The following DAB1 variants were observed in gnomAD, a reference collection of about 807,000 sequenced individuals.
The protein encoded by DAB1 is DAB adaptor protein 1.
DAB1 carries 15 observed loss-of-function variants against 64.6 expected under a neutral mutation model. That is an observed-to-expected ratio of 0.23 (90% confidence interval 0.16 to 0.36). The LOEUF (loss-of-function observed/expected upper bound fraction) is 0.36, where lower values mean the gene tolerates loss of function less well. DAB1 is among the 10% of genes least tolerant of loss of function. The probability of loss-of-function intolerance (pLI) is 1.00; values close to 1 mark genes in which losing one functional copy is unlikely to be tolerated. For missense variants in DAB1, 596 were observed against 706.7 expected (o/e 0.84, Z 1.78); for synonymous variants, 235 against 251.9 (o/e 0.93, Z 0.64).
intron 7 of DAB1, among the ~76,000 whole-genome samples, chr1:57,472,147 C>G (rs539194878): frequency 6.6e-6 from 1 of 152,362 alleles, no homozygotes; most frequent in Admixed American, 6.5e-5. Flanking sequence ...AGGATAACAA[C>G]TTAGGAATGA....
intron 4 of DAB1, among the ~76,000 whole-genome samples, chr1:58,301,149 G>A (rs528128815): frequency 6.6e-6 from 1 of 150,864 alleles, no homozygotes; most frequent in South Asian, 2.1e-4. Flanking sequence ...ATCACCTGTG[G>A]AAGCCTGCAA....
chr1:58,539,214 T>A, intron 1 of DAB1: 1 of 872,788 alleles, frequency 1.1e-6, no homozygotes, highest in Non-Finnish European at 2.0e-6. Flanking sequence ...ATGTGTTACA[T>A]TTTCTCCAGT....
intron 4 of DAB1, among the ~76,000 whole-genome samples, chr1:58,207,034 C>T (rs901919724): frequency 5.3e-5 from 8 of 152,226 alleles, no homozygotes; most frequent in African/African-American, 1.4e-4. Context: ...GATGAAGGGG[C>T]CACATAAAGC....
upstream of DAB1, among the ~76,000 whole-genome samples, chr1:57,884,619 G>C (rs1014049124): frequency 6.6e-6 from 1 of 152,150 alleles, no homozygotes; most frequent in Non-Finnish European, 1.5e-5. Flanking sequence ...CATTCACAAA[G>C]TTTGTACAAT....
intron 6 of DAB1, among the ~76,000 whole-genome samples, chr1:57,739,704 C>T (rs560998208): frequency 7.3e-5 from 11 of 150,970 alleles, no homozygotes; most frequent in African/African-American, 1.7e-4. Flanking sequence ...CTGCCTGCCT[C>T]GGCCTCCCAA....
rs150427505 is a variant in DAB1, at chr1:57,508,613, CACAG to C, written n.625+140975_625+140978del. Among the ~76,000 whole-genome samples the C allele has an allele frequency of 6.6e-3, 1,008 of 152,234 alleles. 12 individuals are homozygous for C. The highest frequency in any genetic ancestry group is 0.023 in the African/African-American group (961 of 41,530). On this transcript the variant is annotated intron_variant and non_coding_transcript_variant, in intron 7 of 20. Coordinates refer to the DAB1 transcript ENST00000485760. ...AACTCTGTTGTAGTGGAAAAGTAGC[CACAG>C]ACAATGTCTAAACCAATGGGCATGG...
intron 4 of DAB1, among the ~76,000 whole-genome samples, chr1:58,165,158 G>A (rs889095788): frequency 2.6e-5 from 4 of 152,186 alleles, no homozygotes; most frequent in African/African-American, 9.6e-5. Context: ...CACATTAATC[G>A]CCACATTCAC....
At chr1:57,633,964 C>T (rs1305002490) in intron 7 of DAB1, among the ~76,000 whole-genome samples, 1 of 152,208 alleles carries the variant, frequency 6.6e-6, no homozygotes, top group Middle Eastern at 3.2e-3. Flanking sequence ...TTTTCTGTCT[C>T]ACAAGAGTCA....
intron 6 of DAB1, among the ~76,000 whole-genome samples, chr1:57,818,972 T>C (rs1296258432): frequency 1.3e-5 from 2 of 152,170 alleles, no homozygotes; most frequent in Non-Finnish European, 2.9e-5. Context: ...AACAGAAAGA[T>C]AGCAACTTGG....
chr1:57,162,366 T>C (rs1660833418), intron 2 of DAB1, among the ~76,000 whole-genome samples: 1 of 152,170 alleles, frequency 6.6e-6, no homozygotes, highest in Non-Finnish European at 1.5e-5. Context: ...GAGGGACCAA[T>C]TGCAAAGAAG....
chr1:57,288,354 A>G (rs1380096789), intron 2 of DAB1, among the ~76,000 whole-genome samples: 3 of 152,116 alleles, frequency 2.0e-5, no homozygotes, highest in Non-Finnish European at 2.9e-5. Flanking sequence ...GTGGTGTGTT[A>G]TGCATATCTG....
chr1:58,266,487 G>A (rs937778159), intron 4 of DAB1, among the ~76,000 whole-genome samples: 1 of 152,194 alleles, frequency 6.6e-6, no homozygotes, highest in African/African-American at 2.4e-5. Context: ...CATTAACTGT[G>A]GGACATCTGG....
intron 7 of DAB1, among the ~76,000 whole-genome samples, chr1:57,464,877 G>GTT (rs59090758): frequency 1.8e-4 from 26 of 144,182 alleles, no homozygotes; most frequent in Non-Finnish European, 1.8e-4. Flanking sequence ...TACACATCAA[G>GTT]TTTTTTTTTT....
intron 5 of DAB1, among the ~76,000 whole-genome samples, chr1:58,120,365 C>T (rs994378256): frequency 6.6e-5 from 10 of 152,158 alleles, no homozygotes; most frequent in African/African-American, 2.4e-4. Flanking sequence ...ATGTAGTCAT[C>T]ATCTTTCATT....
chr1:57,564,802 T>C (rs1645097673), intron 7 of DAB1, among the ~76,000 whole-genome samples: 1 of 152,222 alleles, frequency 6.6e-6, no homozygotes, highest in South Asian at 2.1e-4. Flanking sequence ...GTCCAACTGG[T>C]GTACCTGAAA....
chr1:58,422,952 G>T (rs1557755568), intron 3 of DAB1, among the ~76,000 whole-genome samples: 2 of 152,132 alleles, frequency 1.3e-5, no homozygotes, highest in African/African-American at 4.8e-5. Context: ...AACCCCAATT[G>T]CAAGAGACTC....
chr1:57,659,986 T>C (rs1570714199), intron 6 of DAB1, among the ~76,000 whole-genome samples: 1 of 145,648 alleles, frequency 6.9e-6, no homozygotes, highest in African/African-American at 2.5e-5. Flanking sequence ...CAAAAATAAA[T>C]AAATAAATAA....
At chr1:57,998,326 T>TA (rs1646457561) in intron 5 of DAB1, among the ~76,000 whole-genome samples, 2 of 152,180 alleles carry the variant, frequency 1.3e-5, no homozygotes, top group African/African-American at 4.8e-5. Context: ...TAGATATTTG[T>TA]AAATTTCAAA....
At chr1:58,202,427 G>A (rs1038489307) in intron 4 of DAB1, among the ~76,000 whole-genome samples, 4 of 152,142 alleles carry the variant, frequency 2.6e-5, no homozygotes, top group Admixed American at 6.5e-5. Flanking sequence ...AATTAAAGAT[G>A]GTGTAACTTT....
Sources: allele counts gnomAD v4.1 joint callset (sites outside exome capture counted in the v4.1 genomes callset), GRCh38; gene constraint gnomAD v4.1.1; transcripts MANE v1.5; gene names NCBI Gene and HGNC (gene_info 2026-07-23, HGNC 2026-07-21).